Variants in CD72 observed in about 807,000 individuals in gnomAD.
CD72 encodes the protein B-cell differentiation antigen CD72.
Under a neutral mutation model 50.7 loss-of-function variants are expected in CD72, and 28 were observed. The ratio of observed to expected loss-of-function variants is 0.55; its 90% confidence interval spans 0.41 to 0.76. The LOEUF (loss-of-function observed/expected upper bound fraction) is 0.76, where lower values mean the gene tolerates loss of function less well. CD72 is among the 30% of genes least tolerant of loss of function. The pLI, the probability that CD72 is intolerant of heterozygous loss-of-function variation, is 0.00. For synonymous variants in CD72, 176 were observed against 171.2 expected, an observed-to-expected ratio of 1.03 and a Z score of -0.22; for missense variants, 403 against 420.6, an observed-to-expected ratio of 0.96 and a Z score of 0.37.
upstream of CD72, among the ~76,000 whole-genome samples, chr9:35,621,987 T>A (rs939391013): frequency 2.6e-5 from 4 of 152,148 alleles, no homozygotes; most frequent in Non-Finnish European, 5.9e-5. Context: ...AGCCACCAAG[T>A]GTGTAATTTA....
Position 35,616,705 on chromosome 9 carries a change from G to A in CD72, c.263-16C>T. The stretch of plus-strand genomic sequence containing the variant: ...GTTGTGCGGCCTTAGGGGGACAGTG[G>A]GATGGATGAGGGCAGTCAGCCCCCG... On this transcript the variant is annotated splice_polypyrimidine_tract_variant and intron_variant, in intron 3 of 8. Transcript: ENST00000259633. The A allele has an allele frequency of 6.3e-7, 1 of 1,597,806 alleles. No individual in the cohort carries two copies. Among genetic ancestry groups the A allele is most frequent in the Non-Finnish European group, 8.6e-7 (1 of 1,166,408 alleles).
At chr9:35,645,999 A>G (rs1823389039) in intron 1 of CD72, among the ~76,000 whole-genome samples, 1 of 152,024 alleles carries the variant, frequency 6.6e-6, no homozygotes, top group Admixed American at 6.5e-5. Context: ...TCTACTAAAA[A>G]TACAAAAATA....
At chr9:35,611,182 C>G (rs941249626) in intron 7 of CD72, among the ~76,000 whole-genome samples, 1 of 151,142 alleles carries the variant, frequency 6.6e-6, no homozygotes, top group Non-Finnish European at 1.5e-5. Flanking sequence ...ACCCCTGAGG[C>G]GGAGCTTGCA....
intron 7 of CD72, among the ~76,000 whole-genome samples, chr9:35,611,384 A>G (rs1587899490): frequency 6.6e-6 from 1 of 152,056 alleles, no homozygotes; most frequent in Admixed American, 6.6e-5. Flanking sequence ...CTTCGATGGT[A>G]CCCCCGCTGC....
At chr9:35,625,264 C>T (rs557355760) in intron 1 of CD72, among the ~76,000 whole-genome samples, 2 of 152,350 alleles carry the variant, frequency 1.3e-5, no homozygotes, top group Admixed American at 1.3e-4. Context: ...GCAAAACAGT[C>T]TTATTGCTGA....
rs1823096237 is a variant in CD72 at position 35,618,075 on chromosome 9, T to C, written c.129A>G (p.Gln43=). 6.2e-7 allele frequency: 1 copy of C among 1,614,000 alleles called. No individual in the cohort carries two copies. The highest frequency in any genetic ancestry group is 1.1e-5 in the South Asian group (1 of 91,080). ...AGGGCACCCCTAGGACTGCGGGCACTTGAACATTCTCGTAGGTGATTTCCC... is the reference window on the plus strand; with the variant it reads ...AGGGCACCCCTAGGACTGCGGGCACCTGAACATTCTCGTAGGTGATTTCCC... ...DDGEITYENV[Q]VPAVLGVPSS... is the part of the protein sequence containing the mutation. The change falls in exon 2 of 9, where the codon CAA becomes CAG. Residue 43 remains glutamine, a synonymous_variant. Transcript: ENST00000259633.
At chr9:35,612,791 CAT>C in intron 6 of CD72, 55 bp downstream of exon 6, 2 of 1,537,760 alleles carry the variant, frequency 1.3e-6, no homozygotes, top group Non-Finnish European at 1.8e-6. Context: ...GACTTGATGA[CAT>C]ATGTCCCTTT....
intron 1 of CD72, among the ~76,000 whole-genome samples, chr9:35,640,127 G>A (rs908132501): frequency 6.6e-6 from 1 of 152,184 alleles, no homozygotes; most frequent in African/African-American, 2.4e-5. Context: ...ACCAAAATTG[G>A]TGTACTAAAA....
At chr9:35,644,434 C>T (rs1014317214) in intron 1 of CD72, among the ~76,000 whole-genome samples, 3 of 149,430 alleles carry the variant, frequency 2.0e-5, no homozygotes, top group African/African-American at 4.9e-5. Flanking sequence ...AGACCAGTAT[C>T]GACAGAACCA....
chr9:35,630,819 T>C (rs1315348515), intron 1 of CD72, among the ~76,000 whole-genome samples: 3 of 152,282 alleles, frequency 2.0e-5, no homozygotes, highest in East Asian at 3.9e-4. Context: ...ATCCCAGCAC[T>C]TTGAGAAGCT....
intron 1 of CD72, among the ~76,000 whole-genome samples, chr9:35,635,618 C>T (rs957623199): frequency 1.3e-5 from 2 of 152,128 alleles, no homozygotes; most frequent in African/African-American, 2.4e-5. Context: ...GTTCCTCTGC[C>T]CTCTGGTTTT....
intron 1 of CD72, among the ~76,000 whole-genome samples, chr9:35,645,588 C>CA (rs1391685511): frequency 2.2e-3 from 217 of 98,048 alleles, no homozygotes; most frequent in Middle Eastern, 5.4e-3. Flanking sequence ...TCTCAAAAAA[C>CA]AAAAACAAAC....
chr9:35,633,428 C>T (rs1037936309), intron 1 of CD72, among the ~76,000 whole-genome samples: 1 of 152,064 alleles, frequency 6.6e-6, no homozygotes, highest in African/African-American at 2.4e-5. Flanking sequence ...ATATATGATA[C>T]AGGGTAATTG....
chr9:35,617,188 G>T lies in CD72; in HGVS notation c.250C>A (p.Arg84=), dbSNP rs1203604462. The T allele has an allele frequency of 1.1e-5, 17 of 1,565,570 alleles. No homozygotes were observed. The highest frequency in any genetic ancestry group is 1.9e-5 in the Admixed American group (1 of 53,366). The part of the protein sequence containing the change: ...WRAVTSPAVG[R]ILPCRTTCLR... ...CAGGCACACTCACAGGGGAGAATCC[G>T]CCCGACAGCTGGTGACGTCACGGCT... is the stretch of plus-strand genomic sequence containing the variant. Residue 84 remains arginine (R), a synonymous_variant, in exon 3 of 9, where the codon CGG becomes AGG. Transcript: ENST00000259633.
rs1211993774 is a variant in CD72, at chr9:35,617,263, T to C, written c.191-16A>G. The C allele has an allele frequency of 1.9e-6, 3 of 1,540,554 alleles. No homozygotes were observed. The East Asian group carries it at 7.3e-5, about 38-fold the overall frequency. On this transcript the variant is annotated splice_polypyrimidine_tract_variant and intron_variant, in intron 2 of 8. Coordinates refer to ENST00000259633, the MANE Select transcript of CD72 (RefSeq NM_001782.3). Reference sequence around the variant, plus strand: ...GACTTGACCGCTGTCGAGGGGAGCATCCAGTGTGAGACCGGAAGCCCCGAG... The same window carrying C: ...GACTTGACCGCTGTCGAGGGGAGCACCCAGTGTGAGACCGGAAGCCCCGAG...
Position 35,646,679 on chromosome 9 carries a change from T to C in CD72, n.132A>G, listed in dbSNP as rs373906537. The stretch of plus-strand genomic sequence containing the variant: ...CTACAGTCACATATGAAAAATAAAA[T>C]TGTTTTACAGAAACTCAGTTTACAA... On this transcript the variant is annotated non_coding_transcript_exon_variant, in exon 1 of 4. Transcript: ENST00000465754. The C allele has an allele frequency of 1.1e-4, 16 of 152,348 alleles. No individual in the cohort carries two copies. The East Asian group carries it at 2.5e-3, about 24-fold the overall frequency. The allele number at this position is 152,348 out of a possible 1,614,324, so 9.4% of individuals were successfully genotyped here. A position where few individuals can be genotyped will look rare whatever the true frequency, so the allele number is the denominator to read the frequency against.
intron 1 of CD72, among the ~76,000 whole-genome samples, chr9:35,634,612 G>C (rs537924381): frequency 1.3e-5 from 2 of 152,054 alleles, no homozygotes; most frequent in Non-Finnish European, 2.9e-5. Flanking sequence ...CTCGGCCTCC[G>C]AAAGTGCTGG....
At chr9:35,619,991 T>C (rs1823129991), upstream of CD72, among the ~76,000 whole-genome samples, 1 of 120,698 alleles carries the variant, frequency 8.3e-6, no homozygotes, top group Admixed American at 1.0e-4. Flanking sequence ...TGGTATGTGG[T>C]GGTGACTCCC....
chr9:35,627,687 GAAGT>G (rs1420877713), intron 1 of CD72, among the ~76,000 whole-genome samples: 2 of 152,186 alleles, frequency 1.3e-5, no homozygotes, highest in Non-Finnish European at 2.9e-5. Flanking sequence ...AGTCCAGCAA[GAAGT>G]ACTGCTTGAG....
Sources: allele counts gnomAD v4.1 joint callset (sites outside exome capture counted in the v4.1 genomes callset), GRCh38; gene constraint gnomAD v4.1.1; transcripts MANE v1.5; gene names NCBI Gene and HGNC (gene_info 2026-07-23, HGNC 2026-07-21).